Variants in CLSTN2 observed in about 807,000 individuals in gnomAD.
CLSTN2 encodes the protein calsyntenin-2.
A neutral mutation model predicts 101.2 loss-of-function variants in CLSTN2; 48 were observed. That is an observed-to-expected ratio of 0.47 (90% CI 0.38 to 0.60). The LOEUF is 0.60. Ranked by LOEUF, CLSTN2 falls within the 20% of genes least tolerant of loss-of-function variation. The pLI, the probability that CLSTN2 is intolerant of heterozygous loss-of-function variation, is 0.00. For synonymous variants in CLSTN2, 481 were observed against 463.6 expected, an observed-to-expected ratio of 1.04 and a Z score of -0.48; for missense variants, 1,160 against 1,238.2, an observed-to-expected ratio of 0.94 and a Z score of 0.95.
At chr3:140,367,348 A>G (rs2087802652) in intron 2 of CLSTN2, among the ~76,000 whole-genome samples, 1 of 151,964 alleles carries the variant, frequency 6.6e-6, no homozygotes. Context: ...CCTCGTCTCT[A>G]CTAAAAATAC....
chr3:139,998,510 T>C (rs2006743072), intron 1 of CLSTN2, among the ~76,000 whole-genome samples: 2 of 147,180 alleles, frequency 1.4e-5, no homozygotes, highest in South Asian at 2.3e-4. Flanking sequence ...GCCTGGCTAA[T>C]TTTTTTTGTA....
At position 140,576,696 on chromosome 3, in the gene CLSTN2, G is replaced by C. The variant is rs1985740698; in HGVS notation, c.*10443G>C. 6.6e-6 allele frequency: 1 copy of C among 152,242 alleles called. No homozygotes were observed. The highest frequency in any genetic ancestry group is 6.5e-5 in the Admixed American group (1 of 15,276). The allele number at this position is 152,242 out of a possible 1,614,324, so 9.4% of individuals were successfully genotyped here. On this transcript the variant is annotated 3_prime_UTR_variant, in exon 17 of 17. Coordinates refer to ENST00000458420, the MANE Select transcript of CLSTN2 (RefSeq NM_022131.3). The stretch of plus-strand genomic sequence containing the variant: ...AGAATCACCTTCAATCACTGCTACT[G>C]TCTGGGCCATTACTGCCAGTCTGGC...
chr3:140,167,559 C>G (rs975586905), intron 1 of CLSTN2, among the ~76,000 whole-genome samples: 1 of 152,178 alleles, frequency 6.6e-6, no homozygotes, highest in African/African-American at 2.4e-5. Context: ...ATAATTTACA[C>G]AGACAGAATA....
chr3:139,998,713 T>C (rs1394517819), intron 1 of CLSTN2, among the ~76,000 whole-genome samples: 1 of 152,080 alleles, frequency 6.6e-6, no homozygotes, highest in East Asian at 1.9e-4. Context: ...TAAAGAGTGG[T>C]TACCTTTCAT....
chr3:139,965,095 C>A (rs571156280), intron 1 of CLSTN2, among the ~76,000 whole-genome samples: 1 of 152,186 alleles, frequency 6.6e-6, no homozygotes, highest in South Asian at 2.1e-4. Flanking sequence ...CTCTCTTGGC[C>A]CCACGAAGTT....
At chr3:140,417,758 T>C (rs1052602902) in intron 4 of CLSTN2, among the ~76,000 whole-genome samples, 1 of 152,160 alleles carries the variant, frequency 6.6e-6, no homozygotes, top group African/African-American at 2.4e-5. Context: ...ACAGGTGACT[T>C]TTCTGAGCTT....
Position 140,430,073 on chromosome 3 carries a change from G to T in CLSTN2, c.787+8799G>T, listed in dbSNP as rs117441071. On this transcript the variant is annotated intron_variant, in intron 5 of 16. Transcript: ENST00000458420. ...TGGCTTACATTTTACTACATGAAAG[G>T]CATTGATTTCAAATCAGAGGGTGAT... Among the ~76,000 whole-genome samples, 28 of 152,280 alleles carry T rather than the reference G, an allele frequency of 1.8e-4. No homozygotes were observed. In the East Asian group the frequency reaches 4.8e-3, roughly 26 times the overall value.
In CLSTN2 at chr3:140,518,717, C is replaced by T. The variant is rs144956629; in HGVS notation, c.1345-13607C>T. Among the ~76,000 whole-genome samples the T allele has an allele frequency of 7.4e-3, 1,132 of 152,280 alleles. 9 individuals are homozygous for T. The highest frequency in any genetic ancestry group is 0.011 in the Non-Finnish European group (774 of 68,018). On this transcript the variant is annotated intron_variant, in intron 8 of 16. Transcript: ENST00000458420. ...CCTTCAAAGGGTCTGTGGATTCTCT[C>T]GGCTTTCCTGGTATGTTCCTGTGGG...
At chr3:140,551,401 T>C (rs969591856) in intron 10 of CLSTN2, among the ~76,000 whole-genome samples, 5 of 152,060 alleles carry the variant, frequency 3.3e-5, no homozygotes, top group African/African-American at 1.2e-4. Context: ...AATGGTTTAG[T>C]GGCTGCTGTA....
At chr3:140,421,371 A>G (rs7643984) in intron 5 of CLSTN2, 97 bp downstream of exon 5, 7 of 1,417,778 alleles carry the variant, frequency 4.9e-6, no homozygotes, top group Non-Finnish European at 6.8e-6. Flanking sequence ...ATAACTTTTT[A>G]AAGTACAGTC....
At chr3:140,326,655 C>T (rs1176710764) in intron 2 of CLSTN2, among the ~76,000 whole-genome samples, 1 of 152,272 alleles carries the variant, frequency 6.6e-6, no homozygotes, top group Admixed American at 6.5e-5. Context: ...CAGCATTCTC[C>T]AAAAGCTACC....
chr3:140,375,154 T>A (rs908846267), intron 2 of CLSTN2, among the ~76,000 whole-genome samples: 7 of 152,168 alleles, frequency 4.6e-5, no homozygotes, highest in Middle Eastern at 6.3e-3. Flanking sequence ...GAAGTGTAGC[T>A]GAGGGGAAAG....
chr3:140,182,605 G>A (rs1576458578), intron 2 of CLSTN2, among the ~76,000 whole-genome samples: 1 of 152,190 alleles, frequency 6.6e-6, no homozygotes, highest in East Asian at 1.9e-4. Context: ...AAGGCAGGGT[G>A]TCCCCTGGTA....
intron 2 of CLSTN2, among the ~76,000 whole-genome samples, chr3:140,318,917 A>C (rs1184425805): frequency 1.3e-5 from 2 of 152,202 alleles, no homozygotes; most frequent in East Asian, 3.8e-4. Context: ...TTGGAGGACA[A>C]TCTTGATTTA....
At position 139,935,473 on chromosome 3, in the gene CLSTN2, C is replaced by T. The variant is rs1935003162; in HGVS notation, c.99C>T (p.Leu33=). ...GGGDSRQRRL[L]AAKVNKHKPW... The stretch of plus-strand genomic sequence containing the variant: ...GGGACAGCCGGCAGCGCCGCCTCCT[C>T]GCGGCTAAAGGTGGGTGCTGGGGAA... The change falls in exon 1 of 17, where the codon CTC becomes CTT. Residue 33 remains leucine, a synonymous_variant. Transcript: ENST00000458420. This position sits in a 1 kb window ranked among gnomAD's most constrained non-coding sequence, Gnocchi z 5.5. 8.1e-7 allele frequency: 1 copy of T among 1,229,920 alleles called. No homozygotes were observed. Among genetic ancestry groups the T allele is most frequent in the Non-Finnish European group, 1.0e-6 (1 of 985,506 alleles). 76.2% of individuals were successfully genotyped at this position (1,229,920 alleles called of 1,614,324 possible). A position where few individuals can be genotyped will look rare whatever the true frequency, so the allele number is the denominator to read the frequency against.
chr3:140,459,892 C>T (rs1933518573), intron 7 of CLSTN2, 123 bp downstream of exon 7: 8 of 1,113,354 alleles, frequency 7.2e-6, no homozygotes, highest in South Asian at 2.9e-5. Flanking sequence ...TGAGAGGAAC[C>T]CTGCCAATAT....
At chr3:140,109,864 CTTA>C (rs2009123970) in intron 1 of CLSTN2, among the ~76,000 whole-genome samples, 1 of 152,108 alleles carries the variant, frequency 6.6e-6, no homozygotes, top group Admixed American at 6.5e-5. Flanking sequence ...ATCCAAGTGA[CTTA>C]GTACAAGTCA....
intron 2 of CLSTN2, among the ~76,000 whole-genome samples, chr3:140,271,295 G>T (rs1489073767): frequency 6.6e-6 from 1 of 152,116 alleles, no homozygotes; most frequent in Non-Finnish European, 1.5e-5. Flanking sequence ...AGATTATTTG[G>T]TGTGCCTCTG....
Position 139,946,494 on chromosome 3 carries a change from A to G in CLSTN2, c.109+11011A>G, listed in dbSNP as rs114236950. On this transcript the variant is annotated intron_variant, in intron 1 of 16. Transcript: ENST00000458420. ...ACTCCACCTCTACCCTTTTCACTTG[A>G]TCATCTGGAGGCTCAGGTCAGACTG... Among the ~76,000 whole-genome samples, 409 of 152,228 alleles carry G rather than the reference A, an allele frequency of 2.7e-3. 3 individuals are homozygous for G. The highest frequency in any genetic ancestry group is 9.6e-3 in the African/African-American group (400 of 41,526).
Sources: gnomAD v4.1 joint callset for allele counts (sites outside exome capture counted in the v4.1 genomes callset) on GRCh38, gnomAD v4.1.1 for gene constraint, Gnocchi (gnomAD v3.1) non-coding constraint, MANE v1.5 for transcripts, NCBI Gene and HGNC (gene_info 2026-07-23, HGNC 2026-07-21) for gene names.